Variants in BAIAP2L1 observed in about 807,000 individuals in gnomAD.
BAIAP2L1 encodes BAR/IMD domain-containing adapter protein 2-like 1.
Under a neutral mutation model 66.3 loss-of-function variants are expected in BAIAP2L1, and 35 were observed. That is an observed-to-expected ratio of 0.53 (90% CI 0.40 to 0.70). BAIAP2L1 has a LOEUF of 0.70. Ranked by LOEUF, BAIAP2L1 falls within the 30% of genes least tolerant of loss-of-function variation. The pLI, the probability that BAIAP2L1 is intolerant of heterozygous loss-of-function variation, is 0.00. For missense variants in BAIAP2L1, 622 were observed against 656.9 expected (o/e 0.95, Z 0.58); for synonymous variants, 269 against 248.7 (o/e 1.08, Z -0.77).
chr7:98,347,672 G>A (rs1316459724), intron 3 of BAIAP2L1, among the ~76,000 whole-genome samples: 1 of 152,112 alleles, frequency 6.6e-6, no homozygotes, highest in Non-Finnish European at 1.5e-5. Flanking sequence ...CTACTCGGGA[G>A]GCTGAGGCAG....
rs191002271 is a variant in BAIAP2L1, at chr7:98,325,185, C to T, written c.215-4887G>A. Among the ~76,000 whole-genome samples the T allele has an allele frequency of 4.6e-5, 7 of 151,794 alleles. No individual in the cohort carries two copies. The East Asian group carries it at 9.7e-4, about 21-fold the overall frequency. On this transcript the variant is annotated intron_variant, in intron 3 of 13. Coordinates refer to ENST00000005260, the MANE Select transcript of BAIAP2L1 (RefSeq NM_018842.5). ...AGATCACAAGGTCAGGAGTTCGAGACCAGCCTGGCCAATATGGTGAAACCC... is the reference window on the plus strand; with the variant it reads ...AGATCACAAGGTCAGGAGTTCGAGATCAGCCTGGCCAATATGGTGAAACCC...
At chr7:98,358,932 G>A (rs1047489221) in intron 2 of BAIAP2L1, among the ~76,000 whole-genome samples, 15 of 152,204 alleles carry the variant, frequency 9.9e-5, no homozygotes, top group South Asian at 2.1e-4. Flanking sequence ...TTTGACCCAC[G>A]GGTTATCAGC....
At chr7:98,365,352 T>C (rs564437931) in intron 1 of BAIAP2L1, among the ~76,000 whole-genome samples, 84 of 152,346 alleles carry the variant, frequency 5.5e-4, no homozygotes, top group African/African-American at 2.0e-3. Context: ...TTTTCCACTT[T>C]CAGTAGTTTT....
Position 98,292,576 on chromosome 7 carries a change from T to C in BAIAP2L1, c.*945A>G, listed in dbSNP as rs1800013266. ...AGCCAGTGCGTAGTCCTCACATCCA[T>C]ACCATAGGGCCAGGTTCCGAGGGCA... is the stretch of plus-strand genomic sequence containing the variant. On this transcript the variant is annotated 3_prime_UTR_variant, in exon 14 of 14. Coordinates refer to ENST00000005260, the MANE Select transcript of BAIAP2L1 (RefSeq NM_018842.5). 1 of 1,488,216 alleles carries C rather than the reference T, an allele frequency of 6.7e-7. No individual in the cohort carries two copies. The highest frequency in any genetic ancestry group is 9.2e-7 in the Non-Finnish European group (1 of 1,089,550). 92.2% of individuals were successfully genotyped at this position (1,488,216 alleles called of 1,614,324 possible).
At position 98,355,068 on chromosome 7, in the gene BAIAP2L1, G is replaced by C; in HGVS notation, c.188C>G (p.Thr63Ser). 1 of 1,613,976 alleles carries C rather than the reference G, an allele frequency of 6.2e-7. No individual in the cohort carries two copies. The highest frequency in any genetic ancestry group is 8.5e-7 in the Non-Finnish European group (1 of 1,179,844). ...CAGTTCAGTTGACACGGGGGACCCAGTGGCAATCTCACCGATCTTGGCCAC... is the reference window on the plus strand; with the variant it reads ...CAGTTCAGTTGACACGGGGGACCCACTGGCAATCTCACCGATCTTGGCCAC... ...DGVAKIGEIATGSPVSTELGH... is the reference protein window; with the variant it reads ...DGVAKIGEIASGSPVSTELGH... The change falls in exon 3 of 14, where the codon ACT becomes AGT. Residue 63 changes from threonine (T) to serine (S), a missense_variant. Transcript: ENST00000005260.
At chr7:98,296,615 CT>C (rs1400955016) in intron 12 of BAIAP2L1, among the ~76,000 whole-genome samples, 1 of 150,014 alleles carries the variant, frequency 6.7e-6, no homozygotes, top group Non-Finnish European at 1.5e-5. Context: ...CAGAGTGAGA[CT>C]CCATCTGTAA....
At chr7:98,382,434 C>T (rs963746710) in intron 1 of BAIAP2L1, among the ~76,000 whole-genome samples, 2 of 151,934 alleles carry the variant, frequency 1.3e-5, no homozygotes, top group Admixed American at 6.6e-5. Flanking sequence ...TTGCTTGAGG[C>T]CAGGAGTTTG....
chr7:98,352,868 T>G (rs1206859656), intron 3 of BAIAP2L1, among the ~76,000 whole-genome samples: 1 of 152,082 alleles, frequency 6.6e-6, no homozygotes, highest in Admixed American at 6.6e-5. Flanking sequence ...CATAAAACAT[T>G]AAAAAGGCAA....
chr7:98,354,405 C>G (rs1802073173), intron 3 of BAIAP2L1, among the ~76,000 whole-genome samples: 1 of 152,242 alleles, frequency 6.6e-6, no homozygotes, highest in Non-Finnish European at 1.5e-5. Context: ...GAAATTTTAC[C>G]CTTTGTACAA....
chr7:98,400,971 C>T lies in BAIAP2L1; in HGVS notation c.-119G>A. 1.1e-6 allele frequency: 1 copy of T among 923,386 alleles called. No homozygotes were observed. Among genetic ancestry groups the T allele is most frequent in the Non-Finnish European group, 1.5e-6 (1 of 689,064 alleles). 57.2% of individuals were successfully genotyped at this position (923,386 alleles called of 1,614,324 possible). ...GGGGCTCTGGAGGGTCGGCCGCCGC[C>T]GCAGCCGTCGGCCCGAGAGTGCCCG... On this transcript the variant is annotated 5_prime_UTR_variant, in exon 1 of 14. Transcript: ENST00000005260.
chr7:98,389,933 T>TTTTTTTTTTTTGG (rs71292947), intron 1 of BAIAP2L1, among the ~76,000 whole-genome samples: 1 of 150,732 alleles, frequency 6.6e-6, no homozygotes, highest in Non-Finnish European at 1.5e-5. Flanking sequence ...TTTTTTTTTT[T>TTTTTTTTTTTTGG]GAGAGGTAGT....
rs1347788601 is a variant in BAIAP2L1, at chr7:98,305,045, TTG to T, written c.1242-671_1242-670del. ...CACGCCCAGCTAATTTTTTTGTTTT[TTG>T]TTTTTTTTTTTTTTTTTTTTTTTAG... is the stretch of plus-strand genomic sequence containing the variant. On this transcript the variant is annotated intron_variant, in intron 11 of 13. Transcript: ENST00000005260. Among the ~76,000 whole-genome samples, 868 of 119,720 alleles carry T rather than the reference TTG, an allele frequency of 7.3e-3. 12 individuals are homozygous for T. The highest frequency in any genetic ancestry group is 0.033 in the African/African-American group (828 of 25,002). 78.5% of individuals were successfully genotyped at this position (119,720 alleles called of 152,430 possible).
rs780836343 is a variant in BAIAP2L1, at chr7:98,359,745, GTTTT to G, written c.127+2608_127+2611del. Among the ~76,000 whole-genome samples the G allele has an allele frequency of 7.5e-3, 819 of 109,044 alleles. 6 individuals are homozygous for G. The highest frequency in any genetic ancestry group is 0.012 in the Admixed American group (104 of 8,674). The allele number at this position is 109,044 out of a possible 152,430, so 71.5% of individuals were successfully genotyped here. A position where few individuals can be genotyped will look rare whatever the true frequency, so the allele number is the denominator to read the frequency against. The stretch of plus-strand genomic sequence containing the variant: ...CCTAGCCATTCACCTGTAGACCTGG[GTTTT>G]TTTTTTTTTTTTTTTTTTTAATTTT... On this transcript the variant is annotated intron_variant, in intron 2 of 13. Transcript: ENST00000005260.
At chr7:98,296,520 G>C (rs1262218394) in intron 12 of BAIAP2L1, among the ~76,000 whole-genome samples, 2 of 152,194 alleles carry the variant, frequency 1.3e-5, no homozygotes, top group East Asian at 1.9e-4. Context: ...AGCTACTCAG[G>C]AGGCTGAGGC....
At chr7:98,318,620 T>C (rs116161119) in intron 5 of BAIAP2L1, among the ~76,000 whole-genome samples, 3,687 of 151,492 alleles carry the variant, frequency 0.024, 148 homozygotes, top group African/African-American at 0.085. Flanking sequence ...ATTCAAATCC[T>C]TGTTTTCCCT....
At chr7:98,297,456 AAC>A (rs1341286724) in intron 12 of BAIAP2L1, among the ~76,000 whole-genome samples, 1 of 152,202 alleles carries the variant, frequency 6.6e-6, no homozygotes, top group Non-Finnish European at 1.5e-5. Flanking sequence ...GGACAGAGTG[AAC>A]AGGGCCAGTG....
chr7:98,312,095 A>G lies in BAIAP2L1; in HGVS notation c.807+2T>C. The stretch of plus-strand genomic sequence containing the variant: ...AATCTGGAAGAGAAAACTGGCTCCT[A>G]CCACATTGCTTCTCTCGATCATGGG... On this transcript the variant is annotated splice_donor_variant, in intron 8 of 13. Transcript: ENST00000005260. LOFTEE classifies it high-confidence loss of function. 1.3e-6 allele frequency: 2 copies of G among 1,591,436 alleles called. No individual in the cohort carries two copies. The highest frequency in any genetic ancestry group is 1.7e-6 in the Non-Finnish European group (2 of 1,171,066).
intron 2 of BAIAP2L1, among the ~76,000 whole-genome samples, chr7:98,359,792 C>G (rs986739139): frequency 7.6e-6 from 1 of 131,684 alleles, no homozygotes; most frequent in Non-Finnish European, 1.6e-5. Flanking sequence ...CAGGGTCTTG[C>G]TCTGTCTCCT....
At chr7:98,355,205 A>G (rs527712777) in intron 2 of BAIAP2L1, 77 bp from the exon 3 acceptor site, 1 of 1,003,530 alleles carries the variant, frequency 1.0e-6, no homozygotes, top group East Asian at 2.6e-5. Flanking sequence ...TCTTCCAAAC[A>G]CCCCCTGGTC....
Sources: allele counts gnomAD v4.1 joint callset (sites outside exome capture counted in the v4.1 genomes callset), GRCh38; gene constraint gnomAD v4.1.1; transcripts MANE v1.5; gene names NCBI Gene and HGNC (gene_info 2026-07-23, HGNC 2026-07-21).